Variants in LIMCH1 observed in about 807,000 individuals in gnomAD.
LIMCH1 encodes LIM and calponin homology domains-containing protein 1.
In LIMCH1, 113 loss-of-function variants were observed where a neutral mutation model predicts 176.5. The observed-to-expected ratio is 0.64, with a 90% CI of 0.55 to 0.75. The LOEUF (loss-of-function observed/expected upper bound fraction) is 0.75, where lower values mean the gene tolerates loss of function less well. LIMCH1 is among the 30% of genes least tolerant of loss of function. LIMCH1 has a pLI of 0.00. For missense variants in LIMCH1, 1,674 were observed against 1,814.9 expected, an observed-to-expected ratio of 0.92 and a Z score of 1.41; for synonymous variants, 619 against 645.9, an observed-to-expected ratio of 0.96 and a Z score of 0.63.
chr4:41,612,654 G>A, intron 4 of LIMCH1: 2 of 702,492 alleles, frequency 2.8e-6, no homozygotes, highest in Non-Finnish European at 5.2e-6. Context: ...CAGTGTTTTA[G>A]TATGTGCTGC....
At chr4:41,425,891 G>A (rs960428887) in intron 1 of LIMCH1, among the ~76,000 whole-genome samples, 2 of 152,138 alleles carry the variant, frequency 1.3e-5, no homozygotes, top group Non-Finnish European at 2.9e-5. Context: ...GAGGACTTGG[G>A]TTGCTGGGCA....
intron 1 of LIMCH1, among the ~76,000 whole-genome samples, chr4:41,543,278 T>G (rs1278737149): frequency 1.3e-5 from 2 of 152,014 alleles, no homozygotes; most frequent in Non-Finnish European, 2.9e-5. Context: ...TTTATGAATT[T>G]TAATAGAAAT....
chr4:41,602,617 G>C (rs1230289887), intron 2 of LIMCH1, among the ~76,000 whole-genome samples: 1 of 152,032 alleles, frequency 6.6e-6, no homozygotes, highest in Non-Finnish European at 1.5e-5. Context: ...AGGAGATGGA[G>C]ACCAACATGG....
upstream of LIMCH1, among the ~76,000 whole-genome samples, chr4:41,534,580 C>A (rs1043812362): frequency 6.6e-6 from 1 of 152,138 alleles, no homozygotes; most frequent in African/African-American, 2.4e-5. Flanking sequence ...GTGCAGATGT[C>A]TGGCAGACTA....
rs1713121794 is a variant in LIMCH1, at chr4:41,678,709, TGTGA to T, written c.3520-1295_3520-1292del. On this transcript the variant is annotated intron_variant, in intron 23 of 31. Transcript: ENST00000503057. ...GGGCCAAGGTGTTTGTAGGGGAGGGTGTGAGAGAGAGAGAGAGATCGTGTGTGTG... is the reference window on the plus strand; with the variant it reads ...GGGCCAAGGTGTTTGTAGGGGAGGGTGAGAGAGAGAGAGATCGTGTGTGTG... 1.7e-4 allele frequency among the ~76,000 whole-genome samples: 26 copies of T among 151,148 alleles called. No individual in the cohort carries two copies. In the South Asian group the frequency reaches 5.5e-3, roughly 32 times the overall value.
In LIMCH1 at chr4:41,488,628, A is replaced by AT. The variant is rs200974857; in HGVS notation, c.97-5900dup. 4.1e-3 allele frequency among the ~76,000 whole-genome samples: 624 copies of AT among 152,126 alleles called. 4 individuals carry two copies. The highest frequency in any genetic ancestry group is 5.4e-3 in the Non-Finnish European group (369 of 67,956). On this transcript the variant is annotated intron_variant, in intron 1 of 26. Coordinates refer to the LIMCH1 transcript ENST00000313860. The stretch of plus-strand genomic sequence containing the variant: ...AATTGAGACCATTTAGTTTCTTTAG[A>AT]TTTTTTTTGTAACAAAAAGTCTTGT...
chr4:41,406,184 T>G (rs996825180), intron 1 of LIMCH1, among the ~76,000 whole-genome samples: 2 of 152,230 alleles, frequency 1.3e-5, no homozygotes, highest in Non-Finnish European at 2.9e-5. Context: ...CCAGTGTTTC[T>G]GCCTTGAAGA....
At chr4:41,689,282 C>G (rs1392896920) in intron 29 of LIMCH1, among the ~76,000 whole-genome samples, 1 of 152,126 alleles carries the variant, frequency 6.6e-6, no homozygotes, top group Non-Finnish European at 1.5e-5. Flanking sequence ...AACCTAATAA[C>G]TTAAACACAC....
At chr4:41,645,446 T>G (rs1585260295) in intron 15 of LIMCH1, among the ~76,000 whole-genome samples, 1 of 152,320 alleles carries the variant, frequency 6.6e-6, no homozygotes, top group Middle Eastern at 3.4e-3. Flanking sequence ...ATAGGTGCTA[T>G]TATCATCATT....
intron 1 of LIMCH1, among the ~76,000 whole-genome samples, chr4:41,398,672 T>C (rs2058066677): frequency 6.6e-6 from 1 of 152,208 alleles, no homozygotes; most frequent in Admixed American, 6.5e-5. Flanking sequence ...CTCTGATTGC[T>C]GAGCCTGGAG....
chr4:41,684,475 G>A lies in LIMCH1; in HGVS notation c.3924G>A (p.Glu1308=). The change falls in exon 27 of 32, where the codon GAG becomes GAA. Residue 1308 remains glutamate (E), a synonymous_variant. Coordinates refer to ENST00000503057, the MANE Select transcript of LIMCH1 (RefSeq NM_001330672.2). ...GVHEDHQLDT[E]AGAPHCGTNP... is the part of the protein sequence containing the mutation. ...ATGAAGACCATCAGCTGGATACCGAGGCTGGGGCCCCACACTGTGGAACAA... is the reference window on the plus strand; with the variant it reads ...ATGAAGACCATCAGCTGGATACCGAAGCTGGGGCCCCACACTGTGGAACAA... 6.2e-7 allele frequency: 1 copy of A among 1,613,774 alleles called. No individual in the cohort carries two copies. Among genetic ancestry groups the A allele is most frequent in the Non-Finnish European group, 8.5e-7 (1 of 1,179,828 alleles).
chr4:41,666,561 G>A lies in LIMCH1; in HGVS notation c.3292G>A (p.Val1098Met). 6.2e-7 allele frequency: 1 copy of A among 1,611,410 alleles called. No individual in the cohort carries two copies. Among genetic ancestry groups the A allele is most frequent in the Non-Finnish European group, 8.5e-7 (1 of 1,177,702 alleles). Residue 1098 changes from valine (V) to methionine (M), a missense_variant and splice_region_variant, in exon 21 of 32, where the codon GTG becomes ATG. Val to Met is a conservative substitution (Grantham distance 21). Transcript: ENST00000503057. Reference protein sequence around the residue: ...GKVELVLSQKVVKPKSPEPEA... With the variant: ...GKVELVLSQKMVKPKSPEPEA... Reference sequence around the variant, plus strand: ...TTTATACCTGTTTTCCATTGTCCAGGTGGTAAAGCCAAAATCTCCAGAACC... The same window carrying A: ...TTTATACCTGTTTTCCATTGTCCAGATGGTAAAGCCAAAATCTCCAGAACC...
intron 1 of LIMCH1, among the ~76,000 whole-genome samples, chr4:41,486,987 C>T (rs79734161): frequency 2.0e-5 from 3 of 147,102 alleles, no homozygotes; most frequent in Admixed American, 2.0e-4. Context: ...TACACACACA[C>T]ACACACACAC....
At chr4:41,617,963 T>C (rs1201772562) in intron 5 of LIMCH1, among the ~76,000 whole-genome samples, 3 of 152,222 alleles carry the variant, frequency 2.0e-5, no homozygotes, top group African/African-American at 7.2e-5. Flanking sequence ...GATATTATTA[T>C]CCTCATTTTG....
At chr4:41,460,476 A>ATATATATATATATATATATATC (rs965621988) in intron 1 of LIMCH1, among the ~76,000 whole-genome samples, 27 of 142,658 alleles carry the variant, frequency 1.9e-4, no homozygotes, top group Middle Eastern at 3.6e-3. Context: ...ATATATATAT[A>ATATATATATATATATATATATC]TATCTTATAA....
chr4:41,582,594 CG>C (rs1482239878), intron 1 of LIMCH1, among the ~76,000 whole-genome samples: 1 of 152,156 alleles, frequency 6.6e-6, no homozygotes, highest in African/African-American at 2.4e-5. Flanking sequence ...CAACCATTTA[CG>C]TGTGTGCCAT....
chr4:41,442,765 T>G (rs552150293), intron 1 of LIMCH1, among the ~76,000 whole-genome samples: 4 of 152,362 alleles, frequency 2.6e-5, no homozygotes, highest in Admixed American at 2.6e-4. Context: ...TTTAATTATT[T>G]AAACTGCACA....
intron 1 of LIMCH1, among the ~76,000 whole-genome samples, chr4:41,435,871 T>C (rs2062026814): frequency 6.6e-6 from 1 of 152,114 alleles, no homozygotes; most frequent in African/African-American, 2.4e-5. Flanking sequence ...ATTTCTGAAG[T>C]CCTATATTGT....
intron 1 of LIMCH1, among the ~76,000 whole-genome samples, chr4:41,562,915 A>G (rs141475260): frequency 6.6e-6 from 1 of 152,288 alleles, no homozygotes; most frequent in East Asian, 1.9e-4. Context: ...AATCAGTGAG[A>G]GTACACTGGG....
Sources: allele counts gnomAD v4.1 joint callset (sites outside exome capture counted in the v4.1 genomes callset), GRCh38; gene constraint gnomAD v4.1.1; transcripts MANE v1.5; gene names NCBI Gene and HGNC (gene_info 2026-07-23, HGNC 2026-07-21).